MEI1: variants seen among roughly 807,000 people sequenced by gnomAD.
MEI1 encodes meiotic double-stranded break formation protein 1, also known as meiosis inhibitor protein 1.
MEI1 carries 103 observed loss-of-function variants against 146.2 expected under a neutral mutation model. The ratio of observed to expected loss-of-function variants is 0.70; its 90% CI spans 0.60 to 0.83. The LOEUF is 0.83. Ranked by LOEUF, MEI1 falls within the 40% of genes least tolerant of loss-of-function variation. MEI1 has a pLI of 0.00. For synonymous variants in MEI1, 652 were observed against 628.2 expected, an observed-to-expected ratio of 1.04 and a Z score of -0.57; for missense variants, 1,529 against 1,533.0, an observed-to-expected ratio of 1.00 and a Z score of 0.04.
intron 11 of MEI1, among the ~76,000 whole-genome samples, chr22:41,741,158 A>G (rs2072829664): frequency 6.6e-6 from 1 of 152,176 alleles, no homozygotes; most frequent in Non-Finnish European, 1.5e-5. Context: ...GCTGCATTCA[A>G]AGTTGTCCTG....
rs375970660 is a variant in MEI1, at chr22:41,728,103, T to C, written c.865-1562T>C. Among the ~76,000 whole-genome samples, 103 of 152,356 alleles carry C rather than the reference T, an allele frequency of 6.8e-4. 1 individual carries two copies. The South Asian group carries it at 0.019, about 28-fold the overall frequency. On this transcript the variant is annotated intron_variant, in intron 7 of 30. Transcript: ENST00000401548. ...CTCCAGTAAGTTGGCCCTGTTCATA[T>C]GCCAGTTTCACATCTAGTGAATACT...
intron 3 of MEI1, among the ~76,000 whole-genome samples, chr22:41,707,852 A>C (rs1044089655): frequency 1.3e-5 from 2 of 152,236 alleles, no homozygotes; most frequent in African/African-American, 4.8e-5. Flanking sequence ...TGTGATTTGC[A>C]GAGTCCAGTC....
intron 18 of MEI1, among the ~76,000 whole-genome samples, chr22:41,761,575 A>G (rs983886153): frequency 6.6e-6 from 1 of 152,026 alleles, no homozygotes; most frequent in Non-Finnish European, 1.5e-5. Flanking sequence ...CGGCCTCCCA[A>G]AGTGCTGGGA....
chr22:41,733,862 C>A (rs370712788), intron 11 of MEI1, among the ~76,000 whole-genome samples: 1 of 151,730 alleles, frequency 6.6e-6, no homozygotes, highest in Non-Finnish European at 1.5e-5. Flanking sequence ...TGCGGTGGCT[C>A]ATGCCTATAA....
At chr22:41,705,997 T>G (rs2069066008) in intron 3 of MEI1, among the ~76,000 whole-genome samples, 1 of 151,524 alleles carries the variant, frequency 6.6e-6, no homozygotes, top group South Asian at 2.1e-4. Flanking sequence ...CATGAGCCAC[T>G]GCACCCAGTC....
chr22:41,774,594 G>A (rs962346061), intron 20 of MEI1: 3 of 152,180 alleles, frequency 2.0e-5, no homozygotes, highest in Non-Finnish European at 4.4e-5. Context: ...AGGTGACAAA[G>A]ATGAAGTAGA....
chr22:41,762,694 CT>C (rs982850806), intron 18 of MEI1, among the ~76,000 whole-genome samples: 1 of 151,962 alleles, frequency 6.6e-6, no homozygotes, highest in African/African-American at 2.4e-5. Context: ...GCCGTTTTCA[CT>C]TTCTTAGTGG....
chr22:41,756,274 A>G (rs893596256), intron 17 of MEI1, among the ~76,000 whole-genome samples: 2 of 151,870 alleles, frequency 1.3e-5, no homozygotes, highest in Admixed American at 1.3e-4. Flanking sequence ...AGCTGGGACT[A>G]CAAGCATATG....
chr22:41,758,421 A>G lies in MEI1; in HGVS notation c.2008A>G (p.Ser670Gly). ...QHGLPQISSR[S>G]PESLAFLSDR... ...TGGGCTGCCCCAGATAAGCAGCAGG[A>G]GCCCTGAAAGCCTTGCCTTCCTGTC... is the stretch of plus-strand genomic sequence containing the variant. The change falls in exon 18 of 31, where the codon AGC becomes GGC. Residue 670 changes from serine (S) to glycine (G), a missense_variant. By Grantham distance (56) the Ser-to-Gly change is moderately conservative. Coordinates refer to ENST00000401548, the MANE Select transcript of MEI1 (RefSeq NM_152513.4). 6.2e-7 allele frequency: 1 copy of G among 1,613,906 alleles called. No homozygotes were observed.
intron 19 of MEI1, among the ~76,000 whole-genome samples, chr22:41,765,779 T>TAGAA: frequency 6.6e-6 from 1 of 152,088 alleles, no homozygotes; most frequent in African/African-American, 2.4e-5. Context: ...CTTTCTCTGT[T>TAGAA]ACATAATCAG....
Position 41,770,961 on chromosome 22 carries a change from G to A in MEI1, c.2544G>A (p.Leu848=), listed in dbSNP as rs1344908972. ...TCCCCAGCATCCTGCTCATCTTGCT[G>A]GTAGGCAACCACTCATTCATTTCTA... ...RSIPSILLIL[L]DLIYSSPVDT... The change falls in exon 20 of 31, where the codon CTG becomes CTA. Residue 848 remains leucine (L), a splice_region_variant and synonymous_variant. Transcript: ENST00000401548. 1.2e-6 allele frequency: 2 copies of A among 1,612,180 alleles called. No homozygotes were observed. Among genetic ancestry groups the A allele is most frequent in the Admixed American group, 1.7e-5 (1 of 59,788 alleles).
At chr22:41,716,396 G>A (rs1178055893) in intron 5 of MEI1, among the ~76,000 whole-genome samples, 1 of 75,978 alleles carries the variant, frequency 1.3e-5, no homozygotes, top group Non-Finnish European at 2.5e-5. Context: ...TTTTTTTTGA[G>A]ACGGAGTCTT....
intron 18 of MEI1, among the ~76,000 whole-genome samples, chr22:41,761,240 G>A (rs542194271): frequency 6.6e-6 from 1 of 151,890 alleles, no homozygotes; most frequent in South Asian, 2.1e-4. Flanking sequence ...GAACTTGGAA[G>A]GCAGAGGTTG....
chr22:41,700,326 A>G (rs1156343476), intron 1 of MEI1, among the ~76,000 whole-genome samples: 1 of 152,160 alleles, frequency 6.6e-6, no homozygotes, highest in Non-Finnish European at 1.5e-5. Context: ...CCGCGTTTGC[A>G]ATGAAGTGGT....
chr22:41,716,984 C>T (rs974565658), intron 5 of MEI1, among the ~76,000 whole-genome samples: 24 of 151,746 alleles, frequency 1.6e-4, no homozygotes, highest in Admixed American at 1.1e-3. Context: ...CCACCACGCC[C>T]GGCTCCATTC....
At chr22:41,715,945 C>A in intron 4 of MEI1, 96 bp from the exon 5 acceptor site, 1 of 832,658 alleles carries the variant, frequency 1.2e-6, no homozygotes, top group South Asian at 1.6e-5. Flanking sequence ...GAGACACATG[C>A]AATACAGGCA....
chr22:41,773,560 TAA>T (rs34960433), intron 20 of MEI1, among the ~76,000 whole-genome samples: 46,580 of 129,786 alleles, frequency 0.36, 8,302 homozygotes, highest in African/African-American at 0.41. Context: ...ACATCAATGG[TAA>T]AAAAAAAAAA....
rs2071689821 is a variant in MEI1, at chr22:41,729,764, C to T, written c.964C>T (p.His322Tyr). 6.2e-7 allele frequency: 1 copy of T among 1,606,466 alleles called. No individual in the cohort carries two copies. The highest frequency in any genetic ancestry group is 1.3e-5 in the African/African-American group (1 of 74,742). ...SPAKHASAFI[H>Y]ADIPEFLFEH... ...AGCAAAGCATGCGTCAGCCTTCATC[C>T]ACGCTGACATCCCAGGTAGGGGAAC... Residue 322 changes from histidine to tyrosine, a missense_variant, in exon 8 of 31, where the codon CAC becomes TAC. His to Tyr is a moderately conservative substitution (Grantham distance 83). Coordinates refer to ENST00000401548, the MANE Select transcript of MEI1 (RefSeq NM_152513.4).
intron 4 of MEI1, among the ~76,000 whole-genome samples, chr22:41,714,568 G>A (rs17002628): frequency 0.017 from 2,615 of 152,140 alleles, 73 homozygotes; most frequent in African/African-American, 0.059. Context: ...GCTTTCTTCA[G>A]TGTAGTCAAA....
Sources: gnomAD v4.1 joint callset for allele counts (sites outside exome capture counted in the v4.1 genomes callset) on GRCh38, gnomAD v4.1.1 for gene constraint, MANE v1.5 for transcripts, NCBI Gene and HGNC (gene_info 2026-07-23, HGNC 2026-07-21) for gene names.